Variants in SLC15A2 observed in about 807,000 individuals in gnomAD.
The protein encoded by SLC15A2 is kidney H(+)/peptide cotransporter.
Under a neutral mutation model 95.5 loss-of-function variants are expected in SLC15A2, and 77 were observed. The ratio of observed to expected loss-of-function variants is 0.81; its 90% CI spans 0.67 to 0.97. SLC15A2 has a LOEUF of 0.97. Among genes scored for constraint, SLC15A2 ranks in the 50% least tolerant of loss-of-function variants. The pLI is 0.00. For missense variants in SLC15A2, 893 were observed against 874.4 expected, an observed-to-expected ratio of 1.02 and a Z score of -0.27; for synonymous variants, 306 against 306.9, an observed-to-expected ratio of 1.00 and a Z score of 0.03.
intron 19 of SLC15A2, among the ~76,000 whole-genome samples, chr3:121,934,570 T>G (rs1710301196): frequency 1.3e-5 from 2 of 150,820 alleles, no homozygotes; most frequent in South Asian, 4.2e-4. Flanking sequence ...TGTTTGTCTG[T>G]TATTGGTGTA....
intron 19 of SLC15A2, among the ~76,000 whole-genome samples, chr3:121,932,580 G>A (rs1386484569): frequency 6.6e-6 from 1 of 151,972 alleles, no homozygotes; most frequent in Non-Finnish European, 1.5e-5. Flanking sequence ...TTTTAATTTT[G>A]ATGTCAATCT....
chr3:121,895,780 T>A (rs1190285899), intron 1 of SLC15A2, among the ~76,000 whole-genome samples: 1 of 152,212 alleles, frequency 6.6e-6, no homozygotes, highest in African/African-American at 2.4e-5. Flanking sequence ...TGTTATAGAA[T>A]CTCTTTAGTA....
rs762487521 is a variant in SLC15A2, at chr3:121,940,461, T to G, written c.1986T>G (p.Val662=). 1.9e-4 allele frequency: 300 copies of G among 1,614,002 alleles called. No individual in the cohort carries two copies. Among genetic ancestry groups the G allele is most frequent in the Non-Finnish European group, 2.4e-4 (289 of 1,179,970 alleles). ...CAGTTGGGAATATCATCGTGCTTGT[T>G]GTGGCACAGTTCAGTGGCCTGGTAC... ...TIAVGNIIVL[V]VAQFSGLVQW... Residue 662 remains valine (V), a synonymous_variant, in exon 21 of 22, where the codon GTT becomes GTG. Coordinates refer to ENST00000489711, the MANE Select transcript of SLC15A2 (RefSeq NM_021082.4).
chr3:121,939,588 T>A, intron 20 of SLC15A2, 93 bp downstream of exon 20: 1 of 1,153,454 alleles, frequency 8.7e-7, no homozygotes, highest in Non-Finnish European at 1.2e-6. Flanking sequence ...GTATGTTATC[T>A]CTTTTGGCCT....
intron 19 of SLC15A2, among the ~76,000 whole-genome samples, chr3:121,933,256 C>T (rs1217838371): frequency 9.2e-5 from 14 of 151,738 alleles, no homozygotes; most frequent in Non-Finnish European, 1.6e-4. Context: ...GCATGATTTA[C>T]AGTCCTTTGG....
chr3:121,929,498 A>G, intron 17 of SLC15A2, 150 bp downstream of exon 17: 1 of 735,382 alleles, frequency 1.4e-6, no homozygotes, highest in Non-Finnish European at 2.3e-6. Context: ...TTTCTAGGAC[A>G]GTGAGAGGCA....
At chr3:121,908,713 T>C (rs1462982490) in intron 3 of SLC15A2, among the ~76,000 whole-genome samples, 9 of 152,228 alleles carry the variant, frequency 5.9e-5, no homozygotes, top group Non-Finnish European at 1.5e-5. Context: ...TAAGTGCCTA[T>C]TAAAAATGGC....
chr3:121,923,764 A>G (rs1432326067), intron 11 of SLC15A2, among the ~76,000 whole-genome samples: 2 of 152,244 alleles, frequency 1.3e-5, no homozygotes, highest in African/African-American at 2.4e-5. Context: ...ATAAGGTACC[A>G]TCTCTACTCT....
intron 7 of SLC15A2, among the ~76,000 whole-genome samples, chr3:121,919,262 C>T (rs761740755): frequency 2.3e-4 from 35 of 152,266 alleles, no homozygotes; most frequent in South Asian, 1.7e-3. Context: ...TGGCGAGCTG[C>T]CCAGGGGTGT....
At chr3:121,907,904 T>C (rs1355925482) in intron 3 of SLC15A2, among the ~76,000 whole-genome samples, 3 of 152,254 alleles carry the variant, frequency 2.0e-5, no homozygotes, top group Non-Finnish European at 4.4e-5. Flanking sequence ...GAGTGCTCTC[T>C]TCAGAGCTGT....
At chr3:121,926,782 G>A (rs2262494) in intron 13 of SLC15A2, among the ~76,000 whole-genome samples, 67,873 of 152,062 alleles carry the variant, frequency 0.45, 15,698 homozygotes, top group East Asian at 0.69. Context: ...GGAAAACCAC[G>A]GGCACTCAAC....
At chr3:121,919,888 T>G (rs1274839844) in intron 7 of SLC15A2, among the ~76,000 whole-genome samples, 1 of 152,198 alleles carries the variant, frequency 6.6e-6, no homozygotes, top group Non-Finnish European at 1.5e-5. Context: ...AAAACACATA[T>G]GAGCAAATTA....
chr3:121,939,998 G>A (rs1315426065), intron 20 of SLC15A2, among the ~76,000 whole-genome samples: 1 of 152,012 alleles, frequency 6.6e-6, no homozygotes, highest in Non-Finnish European at 1.5e-5. Flanking sequence ...TAGAGACAGG[G>A]TTTCACCATG....
intron 7 of SLC15A2, among the ~76,000 whole-genome samples, chr3:121,919,840 G>A (rs1709971003): frequency 6.6e-6 from 1 of 152,192 alleles, no homozygotes; most frequent in Non-Finnish European, 1.5e-5. Context: ...TGGAGAAAGA[G>A]GTTGAAGATA....
intron 3 of SLC15A2, among the ~76,000 whole-genome samples, chr3:121,908,290 G>A (rs772002884): frequency 2.4e-4 from 36 of 152,284 alleles, no homozygotes; most frequent in Middle Eastern, 3.4e-3. Flanking sequence ...AGTCTGTCAC[G>A]GCTTCCCTTG....
chr3:121,937,587 A>G (rs1710372697), intron 19 of SLC15A2, among the ~76,000 whole-genome samples: 1 of 151,074 alleles, frequency 6.6e-6, no homozygotes, highest in South Asian at 2.1e-4. Context: ...TTCTTCACGT[A>G]GTTCTCGAGC....
At chr3:121,928,239 T>A (rs767248625) in intron 14 of SLC15A2, 182 bp from the exon 15 acceptor site, 48 of 653,486 alleles carry the variant, frequency 7.3e-5, no homozygotes, top group Non-Finnish European at 1.2e-4. Flanking sequence ...CTTGCTACAA[T>A]GAGCTGATGT....
At chr3:121,926,324 C>T (rs1293499163) in intron 13 of SLC15A2, among the ~76,000 whole-genome samples, 2 of 152,122 alleles carry the variant, frequency 1.3e-5, no homozygotes, top group Admixed American at 6.5e-5. Context: ...TGGTTTAGTG[C>T]TATCCCGTTG....
chr3:121,897,949 G>A (rs1049426890), intron 3 of SLC15A2, among the ~76,000 whole-genome samples: 114 of 152,186 alleles, frequency 7.5e-4, no homozygotes, highest in African/African-American at 2.5e-3. Context: ...ATTGCCTGAG[G>A]TGAGGAGTTT....
Sources: allele counts gnomAD v4.1 joint callset (sites outside exome capture counted in the v4.1 genomes callset), GRCh38; gene constraint gnomAD v4.1.1; transcripts MANE v1.5; gene names NCBI Gene and HGNC (gene_info 2026-07-23, HGNC 2026-07-21).